Variants in BRI3 observed in about 807,000 individuals in gnomAD.
The protein encoded by BRI3 is membrane protein BRI3.
A neutral mutation model predicts 12.8 loss-of-function variants in BRI3; 6 were observed. The observed-to-expected ratio is 0.47, with a 90% confidence interval of 0.26 to 0.93. The LOEUF (loss-of-function observed/expected upper bound fraction) is 0.93, where lower values mean the gene tolerates loss of function less well. BRI3 is among the 40% of genes least tolerant of loss of function. The probability of loss-of-function intolerance (pLI) is 0.15; values close to 1 mark genes in which losing one functional copy is unlikely to be tolerated. For synonymous variants in BRI3, 91 were observed against 76.1 expected (o/e 1.20, Z -1.02); for missense variants, 134 against 171.1 (o/e 0.78, Z 1.21).
chr7:98,291,804 C>T (rs1366419338), downstream of BRI3: 1 of 153,500 alleles, frequency 6.5e-6, no homozygotes, highest in African/African-American at 2.4e-5. Flanking sequence ...CATCCGAGAC[C>T]CCCAGGTCCT....
upstream of BRI3, among the ~76,000 whole-genome samples, chr7:98,304,696 C>T (rs1047605063): frequency 4.0e-5 from 6 of 151,644 alleles, no homozygotes; most frequent in East Asian, 5.9e-4. Flanking sequence ...TACAGGTGCA[C>T]GCCAGTGTGC....
upstream of BRI3, among the ~76,000 whole-genome samples, chr7:98,301,580 G>A (rs1289076441): frequency 6.6e-6 from 1 of 151,914 alleles, no homozygotes; most frequent in African/African-American, 2.4e-5. Flanking sequence ...GACTCCCAAA[G>A]TGCTGGGATT....
chr7:98,292,784 C>A, downstream of BRI3: 1 of 1,545,050 alleles, frequency 6.5e-7, no homozygotes, highest in Middle Eastern at 1.7e-4. Context: ...CACAAGGAGC[C>A]GTGACTCCGA....
exon 2 of BRI3, chr7:98,309,910 T>C (rs6951286): frequency 0.66 from 101,323 of 153,464 alleles, 34,159 homozygotes; most frequent in Non-Finnish European, 0.73. Context: ...AGTGCAGTGG[T>C]GCGACCTCAG....
downstream of BRI3, chr7:98,311,997 A>T (rs1316810926): frequency 1.0e-5 from 13 of 1,255,344 alleles, no homozygotes; most frequent in Non-Finnish European, 1.4e-5. Flanking sequence ...CCTGGAAGTA[A>T]TAAAGGGGGA....
chr7:98,282,981 A>G (rs1799583036), intron 2 of BRI3: 1 of 154,042 alleles, frequency 6.5e-6, no homozygotes, highest in African/African-American at 2.4e-5. Context: ...CACGAGCTGG[A>G]CCAGGATGGA....
chr7:98,307,816 T>C (rs1800717572), exon 2 of BRI3: 14 of 1,614,232 alleles, frequency 8.7e-6, no homozygotes, highest in Non-Finnish European at 1.2e-5. Flanking sequence ...GGGAAGATGG[T>C]CTTCACTTTC....
upstream of BRI3, chr7:98,304,465 G>C: frequency 1.5e-5 from 19 of 1,295,328 alleles, 1 homozygote; most frequent in Non-Finnish European, 1.1e-6. Context: ...AAGGACAACA[G>C]TAATAGTACA....
chr7:98,311,555 TA>T (rs561706030), downstream of BRI3, among the ~76,000 whole-genome samples: 8 of 139,840 alleles, frequency 5.7e-5, no homozygotes, highest in Admixed American at 4.3e-4. Flanking sequence ...ACAAAAAAAA[TA>T]AAAAAAAAAC....
exon 1 of BRI3, chr7:98,306,568 C>T (rs1038359368): frequency 6.2e-7 from 1 of 1,613,270 alleles, no homozygotes; most frequent in South Asian, 1.1e-5. Flanking sequence ...ATGTGGACGG[C>T]AACCTCCCTG....
chr7:98,308,206 A>T lies in BRI3; in HGVS notation n.836A>T, dbSNP rs1344270602. On this transcript the variant is annotated non_coding_transcript_exon_variant, in exon 2 of 2. Transcript: ENST00000485422. ...GTTGATCTGCACTGCTTTAGCCAGG[A>T]TGGCTCTTCTTAGAGAGACAAACCG... The T allele has an allele frequency of 5.5e-6, 3 of 544,416 alleles. No homozygotes were observed. In the Admixed American group the frequency reaches 6.7e-5, roughly 12 times the overall value. 33.7% of individuals were successfully genotyped at this position (544,416 alleles called of 1,614,324 possible). A position where few individuals can be genotyped will look rare whatever the true frequency, so the allele number is the denominator to read the frequency against.
intron 2 of BRI3, among the ~76,000 whole-genome samples, chr7:98,287,145 G>C (rs765436192): frequency 2.6e-5 from 4 of 152,260 alleles, no homozygotes; most frequent in Non-Finnish European, 5.9e-5. Flanking sequence ...TGAGCCTCCT[G>C]GGACAGCTGG....
chr7:98,311,520 G>A (rs1452139191), downstream of BRI3, among the ~76,000 whole-genome samples: 1 of 151,578 alleles, frequency 6.6e-6, no homozygotes, highest in African/African-American at 2.4e-5. Flanking sequence ...CAGCCTGAGT[G>A]ACAGAGCAAG....
At chr7:98,314,866 C>T (rs547041425), downstream of BRI3, among the ~76,000 whole-genome samples, 9 of 152,200 alleles carry the variant, frequency 5.9e-5, no homozygotes, top group African/African-American at 9.6e-5. Flanking sequence ...AAAGCTGACT[C>T]GCAGGTGAGA....
chr7:98,306,025 A>G (rs1800643149), upstream of BRI3, among the ~76,000 whole-genome samples: 1 of 152,200 alleles, frequency 6.6e-6, no homozygotes, highest in African/African-American at 2.4e-5. Flanking sequence ...CTGGTGAGGC[A>G]GAAGACAAAC....
downstream of BRI3, among the ~76,000 whole-genome samples, chr7:98,313,280 A>G (rs1800944166): frequency 6.6e-6 from 1 of 152,000 alleles, no homozygotes; most frequent in Non-Finnish European, 1.5e-5. Context: ...GTTTTCAGAT[A>G]CTCGAAGAAA....
intron 2 of BRI3, among the ~76,000 whole-genome samples, chr7:98,284,497 C>T (rs181475989): frequency 1.1e-3 from 175 of 152,290 alleles, no homozygotes; most frequent in Middle Eastern, 6.8e-3. Context: ...AGAGTGGAGA[C>T]GGTTCCCTGA....
upstream of BRI3, chr7:98,304,316 G>A (rs1307692757): frequency 5.0e-6 from 8 of 1,613,472 alleles, no homozygotes; most frequent in Non-Finnish European, 6.8e-6. Flanking sequence ...CGGGTGGGGG[G>A]ATGACAACAC....
rs1273086385 is a variant in BRI3 at position 98,291,426 on chromosome 7, G to T, written c.*183G>T. ...GGCAGTGCTGCTGCTCCCGCCCGAGGCTCATGACAACTCAATAAAGCACTG... is the reference window on the plus strand; with the variant it reads ...GGCAGTGCTGCTGCTCCCGCCCGAGTCTCATGACAACTCAATAAAGCACTG... On this transcript the variant is annotated 3_prime_UTR_variant, in exon 3 of 3. Coordinates refer to ENST00000297290, the MANE Select transcript of BRI3 (RefSeq NM_015379.5). 1 of 1,427,752 alleles carries T rather than the reference G, an allele frequency of 7.0e-7. No homozygotes were observed. The highest frequency in any genetic ancestry group is 2.6e-5 in the East Asian group (1 of 38,986). The allele number at this position is 1,427,752 out of a possible 1,614,324, so 88.4% of individuals were successfully genotyped here. A position where few individuals can be genotyped will look rare whatever the true frequency, so the allele number is the denominator to read the frequency against.
Sources: gnomAD v4.1 joint callset for allele counts (sites outside exome capture counted in the v4.1 genomes callset) on GRCh38, gnomAD v4.1.1 for gene constraint, MANE v1.5 for transcripts, NCBI Gene and HGNC (gene_info 2026-07-23, HGNC 2026-07-21) for gene names.